The following TXNRD1 variants were observed in gnomAD, a reference collection of about 807,000 sequenced individuals.
TXNRD1 encodes thioredoxin reductase 1, cytoplasmic.
TXNRD1 carries 57 observed loss-of-function variants against 80.3 expected under a neutral mutation model. The ratio of observed to expected loss-of-function variants is 0.71; its 90% CI spans 0.57 to 0.89. The LOEUF (loss-of-function observed/expected upper bound fraction) is 0.89, where lower values mean the gene tolerates loss of function less well. Ranked by LOEUF, TXNRD1 falls within the 40% of genes least tolerant of loss-of-function variation. The pLI is 0.00. For missense variants in TXNRD1, 730 were observed against 803.0 expected, an observed-to-expected ratio of 0.91 and a Z score of 1.10; for synonymous variants, 291 against 285.2, an observed-to-expected ratio of 1.02 and a Z score of -0.20.
At chr12:104,303,358 C>T (rs572304877) in intron 4 of TXNRD1, among the ~76,000 whole-genome samples, 1 of 152,314 alleles carries the variant, frequency 6.6e-6, no homozygotes, top group South Asian at 2.1e-4. Flanking sequence ...CGGTCCTTGG[C>T]CTTACCGACG....
chr12:104,276,435 A>G (rs2033760059), intron 3 of TXNRD1, among the ~76,000 whole-genome samples: 1 of 152,198 alleles, frequency 6.6e-6, no homozygotes, highest in Non-Finnish European at 1.5e-5. Flanking sequence ...CCCTTGTTAA[A>G]CATCAAGGAA....
At chr12:104,304,273 C>T in intron 4 of TXNRD1, 1 of 1,614,008 alleles carries the variant, frequency 6.2e-7, no homozygotes, top group Non-Finnish European at 8.5e-7. Context: ...ATATGAACTT[C>T]TTTAATCAGT....
chr12:104,252,763 C>T (rs1184847745), intron 2 of TXNRD1, among the ~76,000 whole-genome samples: 4 of 117,772 alleles, frequency 3.4e-5, no homozygotes, highest in African/African-American at 6.6e-5. Context: ...AGTGCAGTGG[C>T]GCGATCTCAG....
chr12:104,347,063 C>G (rs563085197), intron 16 of TXNRD1, among the ~76,000 whole-genome samples: 1 of 152,078 alleles, frequency 6.6e-6, no homozygotes, highest in South Asian at 2.1e-4. Flanking sequence ...CCGCTGCACT[C>G]CAGCCTGGGT....
intron 4 of TXNRD1, chr12:104,289,256 C>T (rs2034090550): frequency 2.1e-6 from 1 of 471,434 alleles, no homozygotes. Context: ...AAATTTCTAA[C>T]GCTTTTTATC....
intron 1 of TXNRD1, among the ~76,000 whole-genome samples, chr12:104,247,115 T>C (rs573171582): frequency 6.6e-4 from 101 of 152,136 alleles, no homozygotes; most frequent in Non-Finnish European, 1.0e-3. Context: ...TCGCCCAGGC[T>C]GCAGTGCAAT....
intron 1 of TXNRD1, among the ~76,000 whole-genome samples, chr12:104,218,693 T>C (rs1267281427): frequency 6.6e-6 from 1 of 151,422 alleles, no homozygotes; most frequent in East Asian, 1.9e-4. Flanking sequence ...TCATAGCTCA[T>C]TGCAGCCTCA....
At chr12:104,340,603 G>A (rs537476222) in intron 16 of TXNRD1, among the ~76,000 whole-genome samples, 2 of 152,262 alleles carry the variant, frequency 1.3e-5, no homozygotes, top group Admixed American at 6.5e-5. Flanking sequence ...GCTTGCAGAT[G>A]TATCACTTTA....
intron 3 of TXNRD1, among the ~76,000 whole-genome samples, chr12:104,268,520 G>A (rs1481322924): frequency 2.0e-5 from 3 of 151,416 alleles, no homozygotes; most frequent in South Asian, 2.1e-4. Context: ...GCGAGACTCC[G>A]TCTCAAAAAA....
intron 1 of TXNRD1, among the ~76,000 whole-genome samples, chr12:104,230,361 G>T (rs572030644): frequency 6.6e-6 from 1 of 152,032 alleles, no homozygotes; most frequent in Admixed American, 6.6e-5. Flanking sequence ...GAGCCACTGT[G>T]CCCAGCCATG....
At chr12:104,305,531 G>GTTC (rs2034872054) in intron 4 of TXNRD1, among the ~76,000 whole-genome samples, 1 of 152,236 alleles carries the variant, frequency 6.6e-6, no homozygotes, top group Admixed American at 6.5e-5. Flanking sequence ...TCAGCTAAGG[G>GTTC]TGAAAGGTGA....
chr12:104,245,505 G>A (rs1291846749), intron 1 of TXNRD1, among the ~76,000 whole-genome samples: 8 of 71,342 alleles, frequency 1.1e-4, no homozygotes, highest in South Asian at 5.6e-4. Context: ...CAACAAGAGC[G>A]AAACTCCATC....
chr12:104,248,908 C>G (rs916928716), intron 1 of TXNRD1, among the ~76,000 whole-genome samples: 6 of 152,140 alleles, frequency 3.9e-5, no homozygotes, highest in Non-Finnish European at 5.9e-5. Context: ...CAACCTCCCC[C>G]GCCCAGGTTC....
At chr12:104,271,261 C>T (rs2098143472) in intron 3 of TXNRD1, among the ~76,000 whole-genome samples, 3 of 149,236 alleles carry the variant, frequency 2.0e-5, no homozygotes, top group South Asian at 4.2e-4. Context: ...TCTGGGCTCA[C>T]TGCAAGCTCC....
chr12:104,247,013 G>A (rs1309895939), intron 1 of TXNRD1, among the ~76,000 whole-genome samples: 4 of 152,072 alleles, frequency 2.6e-5, no homozygotes, highest in African/African-American at 9.7e-5. Context: ...ATTGATCTTA[G>A]GCAAAAAAGT....
intron 4 of TXNRD1, among the ~76,000 whole-genome samples, chr12:104,297,321 AAG>A (rs2034468754): frequency 6.6e-6 from 1 of 151,528 alleles, no homozygotes; most frequent in Non-Finnish European, 1.5e-5. Context: ...AAAAAAAAAA[AAG>A]TAATATACAA....
intron 4 of TXNRD1, among the ~76,000 whole-genome samples, chr12:104,310,939 G>A (rs1023842231): frequency 1.3e-5 from 2 of 152,144 alleles, no homozygotes; most frequent in African/African-American, 2.4e-5. Context: ...ATTAAGCTAT[G>A]CCCATATTTA....
At chr12:104,226,283 C>T (rs548441805) in intron 1 of TXNRD1, among the ~76,000 whole-genome samples, 15 of 152,138 alleles carry the variant, frequency 9.9e-5, no homozygotes, top group East Asian at 1.9e-4. Context: ...GACAGTTATA[C>T]GGATGCTGAA....
At chr12:104,245,064 G>A (rs2032947929) in intron 1 of TXNRD1, among the ~76,000 whole-genome samples, 1 of 152,194 alleles carries the variant, frequency 6.6e-6, no homozygotes, top group Admixed American at 6.5e-5. Context: ...TATTGAAAGG[G>A]AATTTGGGAC....
Sources: gnomAD v4.1 joint callset for allele counts (sites outside exome capture counted in the v4.1 genomes callset) on GRCh38, gnomAD v4.1.1 for gene constraint, MANE v1.5 for transcripts, NCBI Gene and HGNC (gene_info 2026-07-23, HGNC 2026-07-21) for gene names.